OPCML: variants seen among roughly 807,000 people sequenced by gnomAD.
OPCML encodes the protein opioid-binding protein/cell adhesion molecule.
A neutral mutation model predicts 37.8 loss-of-function variants in OPCML; 13 were observed. The observed-to-expected ratio is 0.34, with a 90% CI of 0.22 to 0.55. The LOEUF is 0.55. OPCML is among the 20% of genes least tolerant of loss of function. The probability of loss-of-function intolerance (pLI) is 0.91; values close to 1 mark genes in which losing one functional copy is unlikely to be tolerated. For missense variants in OPCML, 341 were observed against 435.6 expected, an observed-to-expected ratio of 0.78 and a Z score of 1.93; for synonymous variants, 176 against 168.8, an observed-to-expected ratio of 1.04 and a Z score of -0.33.
chr11:132,975,274 A>G (rs1330941509), intron 1 of OPCML, among the ~76,000 whole-genome samples: 9 of 151,988 alleles, frequency 5.9e-5, no homozygotes, highest in African/African-American at 2.2e-4. Context: ...TAAAAGAATA[A>G]CAAATGATGG....
At chr11:133,005,461 T>C (rs938818137) in intron 1 of OPCML, 1 of 985,402 alleles carries the variant, frequency 1.0e-6, no homozygotes, top group Admixed American at 6.1e-5. Flanking sequence ...AGCTCTTAGG[T>C]ACTAGTTTTT....
intron 2 of OPCML, among the ~76,000 whole-genome samples, chr11:132,788,158 C>T (rs1220469425): frequency 6.6e-6 from 1 of 152,126 alleles, no homozygotes; most frequent in Non-Finnish European, 1.5e-5. Context: ...GGATTGCAGG[C>T]GTGAGCTACC....
In OPCML at chr11:132,925,851, A is replaced by C. The variant is rs974120839; in HGVS notation, c.146+17075T>G. Among the ~76,000 whole-genome samples the C allele has an allele frequency of 5.9e-5, 9 of 152,294 alleles. No individual in the cohort carries two copies. In the East Asian group the frequency reaches 1.5e-3, roughly 26 times the overall value. On this transcript the variant is annotated intron_variant, in intron 2 of 7. Transcript: ENST00000524381. ...GAGAGCCAGCCCCCAAGCTCCTTACATGTCAGACCAGAAGGTAGAAGTCTC... is the reference window on the plus strand; with the variant it reads ...GAGAGCCAGCCCCCAAGCTCCTTACCTGTCAGACCAGAAGGTAGAAGTCTC...
At chr11:132,536,762 G>C (rs368631907) in intron 3 of OPCML, among the ~76,000 whole-genome samples, 1 of 152,088 alleles carries the variant, frequency 6.6e-6, no homozygotes, top group South Asian at 2.1e-4. Flanking sequence ...CATTTATCTA[G>C]GCTAGGTTAT....
At chr11:132,994,163 A>G (rs770120310) in intron 1 of OPCML, among the ~76,000 whole-genome samples, 1 of 152,214 alleles carries the variant, frequency 6.6e-6, no homozygotes, top group Non-Finnish European at 1.5e-5. Flanking sequence ...AGCTATTGTT[A>G]GTCCGAATGT....
intron 1 of OPCML, among the ~76,000 whole-genome samples, chr11:133,439,704 T>A (rs1946323339): frequency 6.6e-6 from 1 of 152,018 alleles, no homozygotes; most frequent in Admixed American, 6.5e-5. Flanking sequence ...CCTGACTTCG[T>A]GATCCACCCG....
At chr11:133,094,430 A>G (rs912605054) in intron 1 of OPCML, among the ~76,000 whole-genome samples, 2 of 152,200 alleles carry the variant, frequency 1.3e-5, no homozygotes, top group Non-Finnish European at 2.9e-5. Flanking sequence ...TTAAAGAGCC[A>G]TAGTCAACCT....
chr11:132,686,865 CCTT>C (rs1337307521), intron 2 of OPCML, among the ~76,000 whole-genome samples: 2 of 152,156 alleles, frequency 1.3e-5, no homozygotes, highest in African/African-American at 2.4e-5. Context: ...TGTAAACACT[CCTT>C]CTTGATGGAT....
chr11:133,112,376 A>C (rs1293184788), intron 1 of OPCML, among the ~76,000 whole-genome samples: 2 of 152,044 alleles, frequency 1.3e-5, no homozygotes, highest in African/African-American at 4.8e-5. Context: ...CAGAAAAATA[A>C]ACGTTGATAC....
At chr11:132,449,578 G>A (rs1248246202) in intron 4 of OPCML, among the ~76,000 whole-genome samples, 3 of 152,088 alleles carry the variant, frequency 2.0e-5, no homozygotes, top group African/African-American at 7.2e-5. Context: ...CCAGGAAAGG[G>A]GCTGCCAGGA....
rs144704158 is a variant in OPCML at position 133,509,131 on chromosome 11, T to G, written c.61+23133A>C. Among the ~76,000 whole-genome samples the G allele has an allele frequency of 5.1e-3, 773 of 152,252 alleles. 2 individuals carry two copies. Among genetic ancestry groups the G allele is most frequent in the Middle Eastern group, 0.027 (8 of 294 alleles). On this transcript the variant is annotated intron_variant, in intron 1 of 7. Transcript: ENST00000524381. Reference sequence around the variant, plus strand: ...TGCAGGTTTGTTACATTGGTAAACGTGTATCATGGTGGTTTGCTGCACCTA... The same window carrying G: ...TGCAGGTTTGTTACATTGGTAAACGGGTATCATGGTGGTTTGCTGCACCTA...
chr11:132,850,529 G>T (rs1052674127), intron 2 of OPCML, among the ~76,000 whole-genome samples: 4 of 152,008 alleles, frequency 2.6e-5, no homozygotes, highest in Non-Finnish European at 4.4e-5. Flanking sequence ...GTGTGTGTGT[G>T]TGTGTGTGTG....
At chr11:132,955,457 A>G (rs1350761064) in intron 1 of OPCML, among the ~76,000 whole-genome samples, 1 of 152,202 alleles carries the variant, frequency 6.6e-6, no homozygotes, top group Admixed American at 6.5e-5. Context: ...CAGCCCAGAC[A>G]CTAGAACATA....
At chr11:133,257,594 T>A (rs1354814083) in intron 1 of OPCML, among the ~76,000 whole-genome samples, 1 of 152,220 alleles carries the variant, frequency 6.6e-6, no homozygotes, top group Non-Finnish European at 1.5e-5. Flanking sequence ...TGTGTCCACA[T>A]GGCTGAGAGC....
At chr11:132,572,219 G>A (rs553106545) in intron 3 of OPCML, among the ~76,000 whole-genome samples, 4 of 151,790 alleles carry the variant, frequency 2.6e-5, no homozygotes, top group East Asian at 3.9e-4. Context: ...CACTCCCTTG[G>A]TTGCCTGTTT....
intron 1 of OPCML, among the ~76,000 whole-genome samples, chr11:133,044,242 G>A (rs1375331110): frequency 6.6e-6 from 1 of 152,172 alleles, no homozygotes; most frequent in Non-Finnish European, 1.5e-5. Context: ...TCCTTCTGCT[G>A]AAGGTGGGAG....
chr11:133,259,583 C>T (rs183335662), intron 1 of OPCML, among the ~76,000 whole-genome samples: 1 of 152,264 alleles, frequency 6.6e-6, no homozygotes, highest in Admixed American at 6.5e-5. Context: ...TCCATCTAAG[C>T]ACAAAAGCCT....
chr11:133,478,433 A>G (rs1354115352), intron 1 of OPCML, among the ~76,000 whole-genome samples: 4 of 152,154 alleles, frequency 2.6e-5, no homozygotes, highest in Admixed American at 1.3e-4. Flanking sequence ...AACAGGGACC[A>G]TCTGTGCTCC....
intron 1 of OPCML, among the ~76,000 whole-genome samples, chr11:133,499,868 A>G (rs1243043858): frequency 1.9e-4 from 22 of 115,914 alleles, no homozygotes; most frequent in South Asian, 7.5e-4. Flanking sequence ...ACATATATAT[A>G]TATATATTTT....
Sources: gnomAD v4.1 joint callset for allele counts (sites outside exome capture counted in the v4.1 genomes callset) on GRCh38, gnomAD v4.1.1 for gene constraint, MANE v1.5 for transcripts, NCBI Gene and HGNC (gene_info 2026-07-23, HGNC 2026-07-21) for gene names.